The following BTBD9 variants were observed in gnomAD, a reference collection of about 807,000 sequenced individuals.
BTBD9 encodes the protein BTB/POZ domain-containing protein 9.
In BTBD9, 49 loss-of-function variants were observed where a neutral mutation model predicts 64.3. That is an observed-to-expected ratio of 0.76 (90% CI 0.61 to 0.97). BTBD9 has a LOEUF of 0.97. BTBD9 is among the 50% of genes least tolerant of loss of function. The pLI is 0.00. For missense variants in BTBD9, 598 were observed against 762.1 expected (o/e 0.78, Z 2.53); for synonymous variants, 260 against 274.7 (o/e 0.95, Z 0.53).
intron 7 of BTBD9, among the ~76,000 whole-genome samples, chr6:38,298,540 C>T (rs1302772667): frequency 1.3e-5 from 2 of 152,132 alleles, no homozygotes; most frequent in East Asian, 3.9e-4. Flanking sequence ...TTCTAAAATA[C>T]ACAATACATT....
At chr6:38,431,786 C>T (rs958379628) in intron 6 of BTBD9, among the ~76,000 whole-genome samples, 7 of 152,084 alleles carry the variant, frequency 4.6e-5, no homozygotes, top group South Asian at 2.1e-4. Context: ...CTGTCTATAT[C>T]CCCATTGCAG....
chr6:38,376,837 A>G lies in BTBD9; in HGVS notation c.1155-31744T>C, dbSNP rs373395290. ...GGAGTGGTTATACTTGTAAAAAGCT[A>G]TCCAGTACCTTCAACAGACTGGATA... On this transcript the variant is annotated intron_variant, in intron 6 of 10. Transcript: ENST00000481247. Among the ~76,000 whole-genome samples, 15 of 152,324 alleles carry G rather than the reference A, an allele frequency of 9.8e-5. No homozygotes were observed. In the South Asian group the frequency reaches 3.1e-3, roughly 32 times the overall value.
At chr6:38,508,440 TTC>T (rs1772635504) in intron 6 of BTBD9, among the ~76,000 whole-genome samples, 1 of 152,172 alleles carries the variant, frequency 6.6e-6, no homozygotes, top group African/African-American at 2.4e-5. Flanking sequence ...ATGAAGTTAT[TTC>T]TGGAATTTGT....
intron 6 of BTBD9, among the ~76,000 whole-genome samples, chr6:38,466,835 C>T (rs1236960538): frequency 1.3e-5 from 2 of 152,192 alleles, no homozygotes; most frequent in African/African-American, 2.4e-5. Flanking sequence ...GTCTCAGCCT[C>T]CCGAAGTGCT....
At chr6:38,383,327 A>T (rs1286173927) in intron 6 of BTBD9, among the ~76,000 whole-genome samples, 1 of 152,222 alleles carries the variant, frequency 6.6e-6, no homozygotes, top group Non-Finnish European at 1.5e-5. Context: ...AAAATTTAAC[A>T]AACACTCAGC....
At chr6:38,423,646 T>C (rs549645539) in intron 6 of BTBD9, among the ~76,000 whole-genome samples, 422 of 152,274 alleles carry the variant, frequency 2.8e-3, no homozygotes, top group Non-Finnish European at 4.4e-3. Flanking sequence ...AGGACACAAA[T>C]ATTAATGCCA....
intron 9 of BTBD9, among the ~76,000 whole-genome samples, chr6:38,199,971 T>TTAAA (rs1762402195): frequency 6.6e-6 from 1 of 152,244 alleles, no homozygotes; most frequent in African/African-American, 2.4e-5. Flanking sequence ...AACAAAGCTC[T>TTAAA]ATTTTAGGAC....
intron 6 of BTBD9, among the ~76,000 whole-genome samples, chr6:38,460,375 C>T (rs1770019799): frequency 6.6e-6 from 1 of 152,162 alleles, no homozygotes; most frequent in African/African-American, 2.4e-5. Flanking sequence ...CAACACATTC[C>T]TATTTGTTTT....
At chr6:38,463,193 C>T (rs114947852) in intron 6 of BTBD9, among the ~76,000 whole-genome samples, 219 of 152,306 alleles carry the variant, frequency 1.4e-3, no homozygotes, top group African/African-American at 5.2e-3. Context: ...TTGTGGATAG[C>T]ATAGAGAAAT....
At chr6:38,228,370 A>AAAG (rs1763480527) in intron 9 of BTBD9, among the ~76,000 whole-genome samples, 1 of 140,626 alleles carries the variant, frequency 7.1e-6, no homozygotes. Context: ...AAAAAAAAAA[A>AAAG]GAGAGAGAGT....
chr6:38,614,427 C>A (rs1024760114), intron 1 of BTBD9, among the ~76,000 whole-genome samples: 2 of 152,190 alleles, frequency 1.3e-5, no homozygotes, highest in African/African-American at 4.8e-5. Flanking sequence ...CAGTGACTGG[C>A]ATATTTAAGA....
intron 7 of BTBD9, among the ~76,000 whole-genome samples, chr6:38,333,026 C>T (rs1763740542): frequency 6.6e-6 from 1 of 152,174 alleles, no homozygotes; most frequent in Non-Finnish European, 1.5e-5. Context: ...ACCGTTATCC[C>T]ATCTCTAATG....
intron 9 of BTBD9, among the ~76,000 whole-genome samples, chr6:38,208,864 A>C (rs1762741486): frequency 6.6e-6 from 1 of 152,194 alleles, no homozygotes; most frequent in South Asian, 2.1e-4. Flanking sequence ...AAGTTGATCT[A>C]ACCTGACTGC....
At chr6:38,518,346 G>C (rs73428709) in intron 6 of BTBD9, among the ~76,000 whole-genome samples, 2,111 of 152,312 alleles carry the variant, frequency 0.014, 45 homozygotes, top group African/African-American at 0.048. Flanking sequence ...CATAGATCTT[G>C]AATAGTAATC....
At chr6:38,431,546 C>A (rs1469393188) in intron 6 of BTBD9, among the ~76,000 whole-genome samples, 1 of 152,174 alleles carries the variant, frequency 6.6e-6, no homozygotes, top group African/African-American at 2.4e-5. Flanking sequence ...ATCCCTCAAA[C>A]CTGCTCCTCC....
intron 6 of BTBD9, among the ~76,000 whole-genome samples, chr6:38,457,975 C>G (rs796186217): frequency 4.6e-5 from 7 of 152,124 alleles, no homozygotes; most frequent in African/African-American, 1.7e-4. Context: ...AAGATGATAT[C>G]ATCATGTATG....
rs558726646 is a variant in BTBD9, at chr6:38,336,261, C to A, written c.1264+8723G>T. ...CACACACTGACCATTTTGTGTGAAT[C>A]TCTCCTGAGCTTCCCCACTCTTCCC... On this transcript the variant is annotated intron_variant, in intron 7 of 10. Transcript: ENST00000481247. Among the ~76,000 whole-genome samples, 20 of 152,264 alleles carry A rather than the reference C, an allele frequency of 1.3e-4. No homozygotes were observed. The South Asian group carries it at 3.9e-3, about 30-fold the overall frequency.
chr6:38,507,067 C>A lies in BTBD9; in HGVS notation c.1154+70533G>T, dbSNP rs1279535686. 2.0e-5 allele frequency among the ~76,000 whole-genome samples: 3 copies of A among 152,220 alleles called. No individual in the cohort carries two copies. In the East Asian group the frequency reaches 5.8e-4, roughly 29 times the overall value. ...AATCCTCTTTCCTAGGCTCTTCTCACCTGTCTCCTTCACATCCTTCGGATC... is the reference window on the plus strand; with the variant it reads ...AATCCTCTTTCCTAGGCTCTTCTCAACTGTCTCCTTCACATCCTTCGGATC... On this transcript the variant is annotated intron_variant, in intron 6 of 10. Coordinates refer to ENST00000481247, the MANE Select transcript of BTBD9 (RefSeq NM_001099272.2).
intron 6 of BTBD9, among the ~76,000 whole-genome samples, chr6:38,412,821 T>C (rs184153760): frequency 1.2e-3 from 177 of 151,718 alleles, no homozygotes; most frequent in African/African-American, 3.9e-3. Flanking sequence ...ATCAGACCAC[T>C]GCACTCCAGC....
Sources: gnomAD v4.1 joint callset for allele counts (sites outside exome capture counted in the v4.1 genomes callset) on GRCh38, gnomAD v4.1.1 for gene constraint, MANE v1.5 for transcripts, NCBI Gene and HGNC (gene_info 2026-07-23, HGNC 2026-07-21) for gene names.